TGM4: variants seen among roughly 807,000 people sequenced by gnomAD.
TGM4 encodes transglutaminase 4.
TGM4 carries 61 observed loss-of-function variants against 76.3 expected under a neutral mutation model. The ratio of observed to expected loss-of-function variants is 0.80; its 90% confidence interval spans 0.65 to 0.99. TGM4 has a LOEUF of 0.99. TGM4 is among the 50% of genes least tolerant of loss of function. The pLI is 0.00. For missense variants in TGM4, 794 were observed against 843.2 expected, an observed-to-expected ratio of 0.94 and a Z score of 0.72; for synonymous variants, 337 against 329.8, an observed-to-expected ratio of 1.02 and a Z score of -0.24.
At chr3:44,905,828 C>T (rs1283013577) in intron 9 of TGM4, among the ~76,000 whole-genome samples, 1 of 102,068 alleles carries the variant, frequency 9.8e-6, no homozygotes, top group Non-Finnish European at 1.9e-5. Flanking sequence ...GGTGATATGC[C>T]CACACCCCCG....
At position 44,874,619 on chromosome 3, in the gene TGM4, G is replaced by A; in HGVS notation, c.-60G>A. 3.1e-6 allele frequency: 5 copies of A among 1,609,616 alleles called. No homozygotes were observed. Among genetic ancestry groups the A allele is most frequent in the Admixed American group, 1.7e-5 (1 of 59,946 alleles). ...TTCCTCCCCTGAGGACCGACTGTGT[G>A]GAAGCACCAGGCATCAGAGATAGAG... On this transcript the variant is annotated 5_prime_UTR_variant, in exon 1 of 14. Coordinates refer to ENST00000296125, the MANE Select transcript of TGM4 (RefSeq NM_003241.4).
Position 44,896,805 on chromosome 3 carries a change from A to T in TGM4, c.646A>T (p.Met216Leu). The change falls in exon 6 of 14, where the codon ATG (methionine) becomes TTG (leucine). Residue 216 changes from methionine (M) to leucine (L), a missense_variant. Met to Leu is a conservative substitution (Grantham distance 15, BLOSUM62 2). Coordinates refer to ENST00000296125, the MANE Select transcript of TGM4 (RefSeq NM_003241.4). ...GGACCCCGTGCTGGTGTGCAGGGCC[A>T]TGTGTGCTATGGTAGGTATGGAAAG... is the stretch of plus-strand genomic sequence containing the variant. Reference protein sequence around the residue: ...RRDPVLVCRAMCAMMSFEKGQ... With the variant: ...RRDPVLVCRALCAMMSFEKGQ... The T allele has an allele frequency of 6.2e-7, 1 of 1,614,050 alleles. No individual in the cohort carries two copies. Among genetic ancestry groups the T allele is most frequent in the Non-Finnish European group, 8.5e-7 (1 of 1,179,952 alleles).
intron 11 of TGM4, 27 bp downstream of exon 11, chr3:44,910,395 C>G: frequency 6.2e-7 from 1 of 1,604,096 alleles, no homozygotes; most frequent in African/African-American, 1.3e-5. Flanking sequence ...GAGGAGAGGC[C>G]TCAAGTGGGC....
At chr3:44,907,297 AC>A in intron 10 of TGM4, 97 bp downstream of exon 10, 1 of 1,166,564 alleles carries the variant, frequency 8.6e-7, no homozygotes. Context: ...ACATGGTGAA[AC>A]CCCATCCCTA....
chr3:44,900,185 C>T (rs148213012), intron 6 of TGM4, among the ~76,000 whole-genome samples: 1 of 152,322 alleles, frequency 6.6e-6, no homozygotes, highest in African/African-American at 2.4e-5. Flanking sequence ...GCTCTATAGA[C>T]GGCTTGTGTC....
rs1447011898 is a variant in TGM4 at position 44,914,031 on chromosome 3, CCA to C, written c.*309_*310del. ...CAATTCAAATCCATAGATTTCGAAG[CCA>C]CAGAGTCTCTCCCTGGAGCAGCAGA... On this transcript the variant is annotated 3_prime_UTR_variant, in exon 14 of 14. Transcript: ENST00000296125. The C allele has an allele frequency of 1.0e-5, 3 of 289,966 alleles. No homozygotes were observed. Among genetic ancestry groups the C allele is most frequent in the African/African-American group, 2.2e-5 (1 of 45,570 alleles). The allele number at this position is 289,966 out of a possible 1,614,324, so 18.0% of individuals were successfully genotyped here.
Position 44,911,280 on chromosome 3 carries a change from CA to C in TGM4, c.1788del (p.Gly597AlafsTer21), listed in dbSNP as rs1700002042. On this transcript the variant is annotated frameshift_variant, in exon 13 of 14. Transcript: ENST00000296125. LOFTEE classifies it high-confidence loss of function. ...YPEFSIELPN[T>X]GRIGQLLVCN... ...CCCACCCTACTACAGTTGCCTAACA[CA>C]GGCAGAATTGGCCAGCTACTTGTCT... 5.0e-6 allele frequency: 8 copies of C among 1,614,234 alleles called. No individual in the cohort carries two copies. Among genetic ancestry groups the C allele is most frequent in the Non-Finnish European group, 6.8e-6 (8 of 1,180,044 alleles).
chr3:44,882,850 C>T (rs1379548086), intron 1 of TGM4, among the ~76,000 whole-genome samples: 1 of 152,216 alleles, frequency 6.6e-6, no homozygotes, highest in Non-Finnish European at 1.5e-5. Flanking sequence ...TGCATTTTGT[C>T]GAGTGCCTAC....
chr3:44,910,876 C>A, intron 11 of TGM4, 82 bp from the exon 12 acceptor site: 1 of 1,459,928 alleles, frequency 6.8e-7, no homozygotes, highest in Non-Finnish European at 9.4e-7. Flanking sequence ...CAAAGTTAAT[C>A]TAATTCTGTG....
chr3:44,878,232 G>T (rs1699475437), intron 1 of TGM4, among the ~76,000 whole-genome samples: 1 of 151,628 alleles, frequency 6.6e-6, no homozygotes, highest in South Asian at 2.1e-4. Flanking sequence ...ACATGTGTGT[G>T]AGAGAGAGAG....
intron 13 of TGM4, among the ~76,000 whole-genome samples, chr3:44,912,611 T>C (rs941499399): frequency 3.3e-5 from 5 of 152,346 alleles, no homozygotes; most frequent in Middle Eastern, 3.4e-3. Context: ...CATCTTGTCA[T>C]ATAATTTTAA....
At chr3:44,874,956 A>G (rs1177135444) in intron 1 of TGM4, among the ~76,000 whole-genome samples, 2 of 152,246 alleles carry the variant, frequency 1.3e-5, no homozygotes, top group Non-Finnish European at 2.9e-5. Flanking sequence ...TCCCTAAATT[A>G]TTACTGCATT....
rs886244242 is a variant in TGM4, at chr3:44,910,343, T to C, written c.1581T>C (p.Asn527=). The change falls in exon 11 of 14, where the codon AAT becomes AAC. Residue 527 remains asparagine, a synonymous_variant. Transcript: ENST00000296125. ...AGATGGCAAAACTGTGTGACCTCAA[T>C]AAGACCTCGCAGATCCAAGGTCAAG... is the stretch of plus-strand genomic sequence containing the variant. ...GKKMAKLCDL[N]KTSQIQGQVS... is the part of the protein sequence containing the mutation. The C allele has an allele frequency of 1.2e-6, 2 of 1,613,812 alleles. No individual in the cohort carries two copies. Among genetic ancestry groups the C allele is most frequent in the African/African-American group, 2.7e-5 (2 of 74,902 alleles).
rs544994668 is a variant in TGM4, at chr3:44,911,422, G to A, written c.1913+16G>A. The A allele has an allele frequency of 3.7e-6, 6 of 1,613,332 alleles. No homozygotes were observed. Among genetic ancestry groups the A allele is most frequent in the Middle Eastern group, 1.7e-4 (1 of 5,748 alleles). On this transcript the variant is annotated intron_variant, in intron 13 of 13. Transcript: ENST00000296125. ...CTGACCATGGGTGAGTCTGCCTGAGGTATTCTTAGAAATATGCTTCTGGAC... is the reference window on the plus strand; with the variant it reads ...CTGACCATGGGTGAGTCTGCCTGAGATATTCTTAGAAATATGCTTCTGGAC...
Position 44,890,600 on chromosome 3 carries a change from C to A in TGM4, c.301-3C>A, listed in dbSNP as rs940247569. ...TGTCCACCTTATCTTATGGTTTGCTCAGGTCACAGTGGCTGTCACCAGTTC... is the reference window on the plus strand; with the variant it reads ...TGTCCACCTTATCTTATGGTTTGCTAAGGTCACAGTGGCTGTCACCAGTTC... On this transcript the variant is annotated splice_region_variant and splice_polypyrimidine_tract_variant and intron_variant, in intron 3 of 13. Transcript: ENST00000296125. 1 of 1,613,818 alleles carries A rather than the reference C, an allele frequency of 6.2e-7. No individual in the cohort carries two copies. Among genetic ancestry groups the A allele is most frequent in the Non-Finnish European group, 8.5e-7 (1 of 1,179,854 alleles).
chr3:44,878,457 TA>T (rs1444894435), intron 1 of TGM4, among the ~76,000 whole-genome samples: 22 of 44,882 alleles, frequency 4.9e-4, no homozygotes, highest in Admixed American at 1.7e-3. Flanking sequence ...GTTTTATTAT[TA>T]TTATTATTAT....
chr3:44,897,610 G>A (rs1699797208), intron 6 of TGM4, among the ~76,000 whole-genome samples: 1 of 152,244 alleles, frequency 6.6e-6, no homozygotes, highest in South Asian at 2.1e-4. Context: ...CAGAGTGGCA[G>A]TTCTCAAATA....
At chr3:44,909,846 A>G (rs1301179124) in intron 10 of TGM4, among the ~76,000 whole-genome samples, 1 of 152,230 alleles carries the variant, frequency 6.6e-6, no homozygotes, top group African/African-American at 2.4e-5. Flanking sequence ...CAATGTTCTC[A>G]TTGCTTTTAT....
At chr3:44,875,896 CAGAGTCCTTAGG>C in intron 1 of TGM4, among the ~76,000 whole-genome samples, 1 of 152,304 alleles carries the variant, frequency 6.6e-6, no homozygotes, top group Non-Finnish European at 1.5e-5. Flanking sequence ...TTGGAGGGTA[CAGAGTCCTTAGG>C]ACTGAGAAAG....
Sources: allele counts gnomAD v4.1 joint callset (sites outside exome capture counted in the v4.1 genomes callset), GRCh38; gene constraint gnomAD v4.1.1; transcripts MANE v1.5; gene names NCBI Gene and HGNC (gene_info 2026-07-23, HGNC 2026-07-21).